ASIC2: variants seen among roughly 807,000 people sequenced by gnomAD.
The protein encoded by ASIC2 is acid-sensing ion channel 2.
Under a neutral mutation model 57.3 loss-of-function variants are expected in ASIC2, and 25 were observed. That is an observed-to-expected ratio of 0.44 (90% confidence interval 0.32 to 0.61). The LOEUF (loss-of-function observed/expected upper bound fraction) is 0.61, where lower values mean the gene tolerates loss of function less well. Ranked by LOEUF, ASIC2 falls within the 20% of genes least tolerant of loss-of-function variation. ASIC2 has a pLI of 0.06. For synonymous variants in ASIC2, 319 were observed against 307.5 expected (o/e 1.04, Z -0.39); for missense variants, 641 against 738.1 (o/e 0.87, Z 1.52).
chr17:33,430,890 C>T (rs947857014), intron 1 of ASIC2, among the ~76,000 whole-genome samples: 1 of 152,110 alleles, frequency 6.6e-6, no homozygotes, highest in African/African-American at 2.4e-5. Context: ...TATTAAATGT[C>T]CATGCACATT....
intron 1 of ASIC2, chr17:34,006,373 G>C (rs918496170): frequency 1.3e-5 from 2 of 152,382 alleles, no homozygotes; most frequent in Non-Finnish European, 2.9e-5. Context: ...CCCAGTGCAG[G>C]ATGAAATGGG....
chr17:33,737,900 C>A (rs1338410092), intron 1 of ASIC2, among the ~76,000 whole-genome samples: 2 of 152,194 alleles, frequency 1.3e-5, no homozygotes, highest in African/African-American at 4.8e-5. Context: ...ATGACCCCAA[C>A]TCTTCTACTC....
chr17:33,314,672 A>T (rs971859190), intron 1 of ASIC2, among the ~76,000 whole-genome samples: 9 of 151,966 alleles, frequency 5.9e-5, no homozygotes, highest in Non-Finnish European at 8.8e-5. Flanking sequence ...TAAAAGGTTT[A>T]AAAAAATATA....
rs748358883 is a variant in ASIC2 at position 33,801,544 on chromosome 17, C to T, written c.555+354434G>A. 2.0e-5 allele frequency among the ~76,000 whole-genome samples: 3 copies of T among 152,038 alleles called. No homozygotes were observed. The South Asian group carries it at 6.2e-4, about 32-fold the overall frequency. On this transcript the variant is annotated intron_variant, in intron 1 of 9. Coordinates refer to the ASIC2 transcript ENST00000359872. Reference sequence around the variant, plus strand: ...ATCTGAGGGACCCTGGGTGAGTTACCATCTTTAAGCTTCAATCCTCTTCAA... The same window carrying T: ...ATCTGAGGGACCCTGGGTGAGTTACTATCTTTAAGCTTCAATCCTCTTCAA...
chr17:34,050,323 G>A (rs535987582), intron 1 of ASIC2, among the ~76,000 whole-genome samples: 21 of 152,238 alleles, frequency 1.4e-4, no homozygotes, highest in Non-Finnish European at 2.6e-4. Flanking sequence ...GCACAGGTTG[G>A]GGCTACTGCA....
At chr17:33,104,234 G>T (rs1310863531) in intron 2 of ASIC2, among the ~76,000 whole-genome samples, 1 of 152,126 alleles carries the variant, frequency 6.6e-6, no homozygotes, top group Non-Finnish European at 1.5e-5. Flanking sequence ...ATTTAGGTGG[G>T]GTCTAGGAAG....
chr17:33,136,789 A>T (rs915537792), intron 1 of ASIC2, among the ~76,000 whole-genome samples: 2 of 152,146 alleles, frequency 1.3e-5, no homozygotes, highest in Non-Finnish European at 2.9e-5. Context: ...CATTGTTGGG[A>T]TAGATGGAGA....
In ASIC2 at chr17:33,023,824, C is replaced by T. The variant is rs746952429; in HGVS notation, c.1349+37G>A. On this transcript the variant is annotated intron_variant, in intron 6 of 9. Coordinates refer to ENST00000225823, the MANE Select transcript of ASIC2 (RefSeq NM_183377.2). ...CCTCCAATTTCCTCCTTATCCAGTT[C>T]CCCCTTCCCCCTGCCTACCATGCCC... 1.7e-5 allele frequency: 28 copies of T among 1,611,366 alleles called. No individual in the cohort carries two copies. In the South Asian group the frequency reaches 2.8e-4, roughly 16 times the overall value.
At chr17:33,865,889 T>A (rs1319008708) in intron 1 of ASIC2, among the ~76,000 whole-genome samples, 3 of 151,920 alleles carry the variant, frequency 2.0e-5, no homozygotes, top group African/African-American at 7.3e-5. Flanking sequence ...CACCAAGACA[T>A]ACTTTCTATT....
intron 1 of ASIC2, among the ~76,000 whole-genome samples, chr17:33,958,097 T>C (rs543745844): frequency 2.0e-5 from 3 of 152,384 alleles, no homozygotes; most frequent in South Asian, 2.1e-4. Context: ...ATCCAGGTTA[T>C]GCTGTTGCAA....
intron 1 of ASIC2, among the ~76,000 whole-genome samples, chr17:33,993,063 G>A (rs1013709335): frequency 6.6e-6 from 1 of 152,132 alleles, no homozygotes; most frequent in African/African-American, 2.4e-5. Flanking sequence ...ATGCCCACAT[G>A]ATTTCATGTT....
chr17:33,131,914 A>G (rs1266138341), intron 1 of ASIC2, among the ~76,000 whole-genome samples: 2 of 151,950 alleles, frequency 1.3e-5, no homozygotes, highest in Admixed American at 1.3e-4. Context: ...TGGGGAGGGG[A>G]AAAAAAATCA....
chr17:33,439,306 CTTA>C (rs890919359), intron 1 of ASIC2, among the ~76,000 whole-genome samples: 5 of 152,148 alleles, frequency 3.3e-5, no homozygotes, highest in Admixed American at 6.5e-5. Context: ...ACTGTCTTAA[CTTA>C]AACTGGTCTT....
intron 1 of ASIC2, among the ~76,000 whole-genome samples, chr17:33,382,744 C>G (rs989688607): frequency 3.3e-5 from 5 of 152,196 alleles, no homozygotes; most frequent in Non-Finnish European, 2.9e-5. Context: ...TTCTCTGAAG[C>G]AGGGACTGCG....
chr17:33,888,413 T>C (rs68033423), intron 1 of ASIC2, among the ~76,000 whole-genome samples: 25,896 of 152,016 alleles, frequency 0.17, 2,343 homozygotes, highest in African/African-American at 0.24. Flanking sequence ...CCAGGACTTC[T>C]TCTGCTTAAG....
chr17:34,073,795 A>AG (rs1347115872), intron 1 of ASIC2, among the ~76,000 whole-genome samples: 2 of 152,154 alleles, frequency 1.3e-5, no homozygotes, highest in African/African-American at 4.8e-5. Context: ...CAACAGTGGG[A>AG]GGGGAAGGAG....
intron 1 of ASIC2, among the ~76,000 whole-genome samples, chr17:34,105,742 C>T (rs1024510688): frequency 2.0e-5 from 3 of 151,976 alleles, no homozygotes; most frequent in African/African-American, 7.2e-5. Context: ...ATTTCAAGTT[C>T]TCTCTTGCTC....
At chr17:34,020,452 G>A (rs1025774885) in intron 1 of ASIC2, among the ~76,000 whole-genome samples, 13 of 152,276 alleles carry the variant, frequency 8.5e-5, no homozygotes, top group African/African-American at 3.1e-4. Context: ...AGTTTCCATA[G>A]AACTCATCAC....
chr17:33,383,644 C>T (rs541033740), intron 1 of ASIC2, among the ~76,000 whole-genome samples: 83 of 152,302 alleles, frequency 5.4e-4, no homozygotes, highest in African/African-American at 1.9e-3. Flanking sequence ...CAGGTTAGCC[C>T]CCACCAGGGC....
Sources: gnomAD v4.1 joint callset for allele counts (sites outside exome capture counted in the v4.1 genomes callset) on GRCh38, gnomAD v4.1.1 for gene constraint, MANE v1.5 for transcripts, NCBI Gene and HGNC (gene_info 2026-07-23, HGNC 2026-07-21) for gene names.